The following ABCA3 variants were observed in gnomAD, a reference collection of about 807,000 sequenced individuals.
ABCA3 encodes phospholipid-transporting ATPase ABCA3.
Under a neutral mutation model 172.8 loss-of-function variants are expected in ABCA3, and 88 were observed. The ratio of observed to expected loss-of-function variants is 0.51; its 90% CI spans 0.43 to 0.61. ABCA3 has a LOEUF of 0.61. ABCA3 is among the 20% of genes least tolerant of loss of function. The pLI is 0.00. For synonymous variants in ABCA3, 1,066 were observed against 983.8 expected, an observed-to-expected ratio of 1.08 and a Z score of -1.56; for missense variants, 2,164 against 2,301.0, an observed-to-expected ratio of 0.94 and a Z score of 1.22.
intron 11 of ABCA3, among the ~76,000 whole-genome samples, chr16:2,306,676 A>G (rs1369781466): frequency 6.6e-6 from 1 of 152,210 alleles, no homozygotes; most frequent in Non-Finnish European, 1.5e-5. Context: ...ATGAGAGCCC[A>G]CAGGCCAAAG....
In ABCA3 at chr16:2,308,454, C is replaced by G; in HGVS notation, c.1281G>C (p.Ala427=). The change falls in exon 11 of 33, where the codon GCG becomes GCC. Residue 427 remains alanine, a synonymous_variant. Coordinates refer to ENST00000301732, the MANE Select transcript of ABCA3 (RefSeq NM_001089.3). The stretch of plus-strand genomic sequence containing the variant: ...CTGGACAAGGCAAACACTCACCTTT[C>G]GCCTCAAATTTCCCAATGAGCTGGG... ...MGAQLIGKFE[A]KGMGIQWRDL... 6.2e-7 allele frequency: 1 copy of G among 1,614,144 alleles called. No homozygotes were observed. The highest frequency in any genetic ancestry group is 8.5e-7 in the Non-Finnish European group (1 of 1,180,002).
intron 10 of ABCA3, among the ~76,000 whole-genome samples, chr16:2,314,616 G>A (rs1157914824): frequency 1.3e-5 from 2 of 151,300 alleles, no homozygotes; most frequent in African/African-American, 4.9e-5. Flanking sequence ...CACTCTTGTT[G>A]CCCAGGCTGG....
intron 10 of ABCA3, among the ~76,000 whole-genome samples, chr16:2,311,416 G>A (rs2093706530): frequency 1.3e-5 from 2 of 152,170 alleles, no homozygotes; most frequent in African/African-American, 2.4e-5. Context: ...CCATGCAAGC[G>A]CCACTGAACA....
intron 20 of ABCA3, 44 bp downstream of exon 20, chr16:2,289,390 G>T: frequency 6.5e-7 from 1 of 1,544,536 alleles, no homozygotes; most frequent in Non-Finnish European, 8.7e-7. Context: ...TTTGGGGGCT[G>T]CTCGCCCTTC....
At chr16:2,290,621 C>T (rs1198834918) in intron 19 of ABCA3, among the ~76,000 whole-genome samples, 3 of 152,230 alleles carry the variant, frequency 2.0e-5, no homozygotes, top group Admixed American at 6.5e-5. Flanking sequence ...ATGCTTCCTT[C>T]CTTCCTTCAA....
At chr16:2,288,808 T>G (rs969166304) in intron 20 of ABCA3, among the ~76,000 whole-genome samples, 2 of 152,016 alleles carry the variant, frequency 1.3e-5, no homozygotes, top group African/African-American at 4.8e-5. Context: ...GGCCTCCCAA[T>G]GTACTGGGAT....
Position 2,289,560 on chromosome 16 carries a change from C to T in ABCA3, c.2574G>A (p.Gln858=). Residue 858 remains glutamine (Q), a synonymous_variant, in exon 20 of 33, where the codon CAG becomes CAA. Coordinates refer to ENST00000301732, the MANE Select transcript of ABCA3 (RefSeq NM_001089.3). ...DIQAIQLPAL[Q]YQHERRASDW... is the part of the protein sequence containing the mutation. ...CGCTGGCGCGCCTCTCGTGCTGGTA[C>T]TGCAGGGCAGGGAGCTGGATGGCCT... 6.4e-7 allele frequency: 1 copy of T among 1,562,440 alleles called. No homozygotes were observed. The highest frequency in any genetic ancestry group is 8.7e-7 in the Non-Finnish European group (1 of 1,153,844).
chr16:2,300,812 G>A (rs1375039494), intron 12 of ABCA3, among the ~76,000 whole-genome samples: 3 of 152,192 alleles, frequency 2.0e-5, no homozygotes, highest in African/African-American at 4.8e-5. Flanking sequence ...GCTGCGGGGC[G>A]GGGACTCGTT....
intron 32 of ABCA3, 68 bp from the exon 33 acceptor site, chr16:2,276,873 T>G (rs2093647265): frequency 6.3e-7 from 1 of 1,597,270 alleles, no homozygotes; most frequent in African/African-American, 1.3e-5. Flanking sequence ...GACCTGGGAG[T>G]CCTCTGGCAA....
Position 2,287,932 on chromosome 16 carries a change from C to T in ABCA3, c.3004+94G>A, listed in dbSNP as rs2093665528. 8.7e-6 allele frequency: 13 copies of T among 1,492,864 alleles called. No homozygotes were observed. The highest frequency in any genetic ancestry group is 1.0e-5 in the Non-Finnish European group (11 of 1,096,092). The allele number at this position is 1,492,864 out of a possible 1,614,324, so 92.5% of individuals were successfully genotyped here. ...ATTCGGAACAGCCAAGAACCATCCTCCCCAGATGTCGACCCTGCTGCAGTC... is the reference window on the plus strand; with the variant it reads ...ATTCGGAACAGCCAAGAACCATCCTTCCCAGATGTCGACCCTGCTGCAGTC... On this transcript the variant is annotated intron_variant, in intron 21 of 32. Coordinates refer to ENST00000301732, the MANE Select transcript of ABCA3 (RefSeq NM_001089.3). This position sits in a 1 kb window ranked among gnomAD's most constrained non-coding sequence, Gnocchi z 4.1.
chr16:2,289,666 T>C, intron 19 of ABCA3, 46 bp from the exon 20 acceptor site: 1 of 1,537,018 alleles, frequency 6.5e-7, no homozygotes, highest in Non-Finnish European at 8.8e-7. Context: ...GCTCCCCGGG[T>C]GGGTGGAGGG....
In ABCA3 at chr16:2,300,010, A is replaced by G; in HGVS notation, c.1606T>C (p.Ser536Pro). The G allele has an allele frequency of 6.2e-7, 1 of 1,612,810 alleles. No homozygotes were observed. Among genetic ancestry groups the G allele is most frequent in the Non-Finnish European group, 8.5e-7 (1 of 1,179,930 alleles). Reference sequence around the variant, plus strand: ...GTCCCCACAGGAGGCGGCACCTTGGACAGGTGCTTGATCTTGATCCCCGCC... The same window carrying G: ...GTCCCCACAGGAGGCGGCACCTTGGGCAGGTGCTTGATCTTGATCCCCGCC... ...LVAGIKIKHL[S>P]KVFRVGNKDR... is the part of the protein sequence containing the mutation. Residue 536 changes from serine to proline, a missense_variant, in exon 13 of 33, where the codon TCC becomes CCC. Ser to Pro is a moderately conservative substitution (Grantham distance 74). Transcript: ENST00000301732.
chr16:2,319,341 T>C (rs188846455), intron 8 of ABCA3, among the ~76,000 whole-genome samples: 317 of 151,976 alleles, frequency 2.1e-3, no homozygotes, highest in Non-Finnish European at 3.6e-3. Flanking sequence ...AAAAATTAGC[T>C]GGGTGTGGTG....
In ABCA3 at chr16:2,316,986, T is replaced by C. The variant is rs557963913; in HGVS notation, c.1111+297A>G. Among the ~76,000 whole-genome samples the C allele has an allele frequency of 7.2e-4, 109 of 152,332 alleles. No individual in the cohort carries two copies. The South Asian group carries it at 0.021, about 30-fold the overall frequency. On this transcript the variant is annotated intron_variant, in intron 10 of 32. Coordinates refer to ENST00000301732, the MANE Select transcript of ABCA3 (RefSeq NM_001089.3). ...CAGGAAAAATGATCTTCAACGTAAC[T>C]GTCACCGCAAGGCTCTGCACATGGC... is the stretch of plus-strand genomic sequence containing the variant.
Position 2,276,080 on chromosome 16 carries a change from G to T in ABCA3, c.*594C>A. On this transcript the variant is annotated 3_prime_UTR_variant, in exon 33 of 33. Transcript: ENST00000301732. ...CTGCTTCTAGGAGATGCTGTGGGAC[G>T]GTGCCCGGCTTCGCGGTGACTACCA... 1 of 300,586 alleles carries T rather than the reference G, an allele frequency of 3.3e-6. No homozygotes were observed. Among genetic ancestry groups the T allele is most frequent in the East Asian group, 1.1e-4 (1 of 9,494 alleles). 18.6% of individuals were successfully genotyped at this position (300,586 alleles called of 1,614,324 possible). A position where few individuals can be genotyped will look rare whatever the true frequency, so the allele number is the denominator to read the frequency against.
rs758004198 is a variant in ABCA3 at position 2,276,852 on chromosome 16, C to G, written c.4984-47G>C. On this transcript the variant is annotated intron_variant, in intron 32 of 32. Coordinates refer to ENST00000301732, the MANE Select transcript of ABCA3 (RefSeq NM_001089.3). ...CTGGTAGGAGAGAACAGGGCCCAGG[C>G]TCCTCTGCGGGACCTGGGAGTCCTC... The G allele has an allele frequency of 3.7e-6, 6 of 1,610,966 alleles. No homozygotes were observed. The African/African-American group carries it at 6.7e-5, about 18-fold the overall frequency.
At chr16:2,290,664 G>A (rs771889413) in intron 19 of ABCA3, among the ~76,000 whole-genome samples, 4 of 152,210 alleles carry the variant, frequency 2.6e-5, no homozygotes, top group African/African-American at 4.8e-5. Flanking sequence ...GTCAGTGCTC[G>A]GTCCTGTGTG....
At chr16:2,331,604 G>A (rs572449194) in intron 1 of ABCA3, among the ~76,000 whole-genome samples, 1 of 152,368 alleles carries the variant, frequency 6.6e-6, no homozygotes, top group African/African-American at 2.4e-5. Context: ...TTCTGTTTCA[G>A]CAAAAGGAGT....
intron 8 of ABCA3, among the ~76,000 whole-genome samples, chr16:2,318,956 CTT>C (rs537374336): frequency 1.0e-4 from 15 of 147,624 alleles, no homozygotes; most frequent in African/African-American, 1.7e-4. Flanking sequence ...TATGTGCACA[CTT>C]TTTTTTTTTT....
Sources: gnomAD v4.1 joint callset for allele counts (sites outside exome capture counted in the v4.1 genomes callset) on GRCh38, gnomAD v4.1.1 for gene constraint, Gnocchi (gnomAD v3.1) non-coding constraint, MANE v1.5 for transcripts, NCBI Gene and HGNC (gene_info 2026-07-23, HGNC 2026-07-21) for gene names.